The following GABRG3 variants were observed in gnomAD, a reference collection of about 807,000 sequenced individuals.
GABRG3 encodes gamma-aminobutyric acid receptor subunit gamma-3.
A neutral mutation model predicts 48.8 loss-of-function variants in GABRG3; 25 were observed. The ratio of observed to expected loss-of-function variants is 0.51; its 90% CI spans 0.37 to 0.72. The LOEUF is 0.72. Among genes scored for constraint, GABRG3 ranks in the 30% least tolerant of loss-of-function variants. The probability of loss-of-function intolerance (pLI) is 0.00; values close to 1 mark genes in which losing one functional copy is unlikely to be tolerated. For missense variants in GABRG3, 394 were observed against 577.9 expected (o/e 0.68, Z 3.26); for synonymous variants, 227 against 217.6 (o/e 1.04, Z -0.38).
intron 5 of GABRG3, among the ~76,000 whole-genome samples, chr15:27,426,347 A>G (rs1291093236): frequency 6.6e-6 from 1 of 152,230 alleles, no homozygotes; most frequent in East Asian, 1.9e-4. Flanking sequence ...AAGGAAAAAA[A>G]GAGTTAGTTA....
At chr15:27,276,054 C>T (rs1040692513) in intron 3 of GABRG3, among the ~76,000 whole-genome samples, 2 of 152,174 alleles carry the variant, frequency 1.3e-5, no homozygotes, top group African/African-American at 4.8e-5. Flanking sequence ...TAAGAACCCG[C>T]AAATGAGAAC....
At chr15:27,416,036 C>T (rs1453953809) in intron 5 of GABRG3, among the ~76,000 whole-genome samples, 3 of 152,158 alleles carry the variant, frequency 2.0e-5, no homozygotes, top group Admixed American at 6.5e-5. Context: ...AAATCATCTT[C>T]GAAGAAAGGC....
intron 3 of GABRG3, among the ~76,000 whole-genome samples, chr15:27,250,071 C>T (rs956039801): frequency 6.6e-6 from 1 of 152,068 alleles, no homozygotes; most frequent in Non-Finnish European, 1.5e-5. Context: ...GTTCTTTTCC[C>T]TCCTCTCCAA....
intron 2 of GABRG3, among the ~76,000 whole-genome samples, chr15:27,001,824 C>T (rs1367400417): frequency 6.7e-6 from 1 of 149,948 alleles, no homozygotes; most frequent in Non-Finnish European, 1.5e-5. Flanking sequence ...CAATTGACCA[C>T]TGGCTGATTT....
intron 3 of GABRG3, among the ~76,000 whole-genome samples, chr15:27,129,688 G>T (rs977287968): frequency 6.6e-6 from 1 of 150,838 alleles, no homozygotes; most frequent in African/African-American, 2.4e-5. Flanking sequence ...CCACATCCTC[G>T]CCAACACTTG....
Position 27,229,453 on chromosome 15 carries a change from T to TG in GABRG3, c.271-97356_271-97355insG, listed in dbSNP as rs1294339126. ...TCATTGGTCTGTGTGCCTAGGTTTTTTGTGTGTGTGTGTGTGTGTGTTGTT... is the reference window on the plus strand; with the variant it reads ...TCATTGGTCTGTGTGCCTAGGTTTTTGTGTGTGTGTGTGTGTGTGTGTTGTT... On this transcript the variant is annotated intron_variant, in intron 3 of 9. Transcript: ENST00000615808. Among the ~76,000 whole-genome samples the TG allele has an allele frequency of 1.5e-4, 16 of 105,150 alleles. No individual in the cohort carries two copies. In the East Asian group the frequency reaches 4.9e-3, roughly 32 times the overall value. The allele number at this position is 105,150 out of a possible 152,430, so 69.0% of individuals were successfully genotyped here.
chr15:27,387,133 A>G (rs534191773), intron 5 of GABRG3, among the ~76,000 whole-genome samples: 4 of 152,266 alleles, frequency 2.6e-5, no homozygotes, highest in Admixed American at 2.0e-4. Flanking sequence ...ACTGTACAAT[A>G]TATTAACTAA....
intron 2 of GABRG3, among the ~76,000 whole-genome samples, chr15:26,988,160 T>C (rs1895183771): frequency 6.6e-6 from 1 of 152,188 alleles, no homozygotes; most frequent in Non-Finnish European, 1.5e-5. Flanking sequence ...TTAGACAAAT[T>C]AGGTGAAGTT....
intron 3 of GABRG3, among the ~76,000 whole-genome samples, chr15:27,148,265 C>T (rs909925520): frequency 2.6e-5 from 4 of 151,416 alleles, no homozygotes; most frequent in Non-Finnish European, 5.9e-5. Context: ...CAATAAATTC[C>T]TAGAAAGACA....
chr15:27,465,521 C>T (rs1595772581), intron 5 of GABRG3, among the ~76,000 whole-genome samples: 1 of 152,298 alleles, frequency 6.6e-6, no homozygotes, highest in East Asian at 1.9e-4. Flanking sequence ...ATTTAAAAGT[C>T]AGGAGATTTT....
At chr15:27,014,688 C>T (rs1009472270) in intron 2 of GABRG3, among the ~76,000 whole-genome samples, 1 of 152,212 alleles carries the variant, frequency 6.6e-6, no homozygotes, top group African/African-American at 2.4e-5. Flanking sequence ...TGTGGACTAA[C>T]ATGTCTTCTA....
chr15:27,512,561 G>A (rs891079659), intron 6 of GABRG3, among the ~76,000 whole-genome samples: 7 of 152,176 alleles, frequency 4.6e-5, no homozygotes, highest in Non-Finnish European at 8.8e-5. Context: ...TGAGTCTAAA[G>A]TTCCCGAAAG....
chr15:27,145,334 T>TA (rs202105972), intron 3 of GABRG3, among the ~76,000 whole-genome samples: 207 of 148,606 alleles, frequency 1.4e-3, no homozygotes, highest in African/African-American at 2.6e-3. Context: ...ATGGAGATTG[T>TA]AAAAAAAAAA....
At position 27,327,462 on chromosome 15, in the gene GABRG3, G is replaced by T. The variant is rs1283769594; in HGVS notation, c.491+433G>T. On this transcript the variant is annotated intron_variant, in intron 4 of 9. Transcript: ENST00000615808. ...CTGGAGTGTGTCCTCCTGGAGTCAG[G>T]GAAGTCTTCGAAGAAACCCAGAGAG... Among the ~76,000 whole-genome samples the T allele has an allele frequency of 2.6e-5, 4 of 152,262 alleles. No individual in the cohort carries two copies. The East Asian group carries it at 7.8e-4, about 30-fold the overall frequency.
At chr15:27,268,412 C>A (rs549534145) in intron 3 of GABRG3, among the ~76,000 whole-genome samples, 1 of 152,068 alleles carries the variant, frequency 6.6e-6, no homozygotes, top group Non-Finnish European at 1.5e-5. Flanking sequence ...ACTAATTTGT[C>A]TTCTCTTTTT....
At chr15:27,282,559 G>A (rs1258197318) in intron 3 of GABRG3, among the ~76,000 whole-genome samples, 1 of 152,010 alleles carries the variant, frequency 6.6e-6, no homozygotes, top group South Asian at 2.1e-4. Flanking sequence ...ATTTCCATTT[G>A]GTTCTACTTT....
chr15:27,525,651 TGAAATA>T (rs1891258574), intron 7 of GABRG3, among the ~76,000 whole-genome samples: 1 of 152,176 alleles, frequency 6.6e-6, no homozygotes. Context: ...GTATTTCTAT[TGAAATA>T]GAAGCTAAGA....
intron 2 of GABRG3, among the ~76,000 whole-genome samples, chr15:27,020,578 ATT>A (rs35179540): frequency 0.16 from 23,283 of 148,982 alleles, 3,421 homozygotes; most frequent in African/African-American, 0.39. Context: ...CGCCCGGCTA[ATT>A]TTTTTTTTTT....
At chr15:27,121,176 GA>G (rs1316007278) in intron 3 of GABRG3, among the ~76,000 whole-genome samples, 1 of 152,188 alleles carries the variant, frequency 6.6e-6, no homozygotes, top group Non-Finnish European at 1.5e-5. Flanking sequence ...CCCATGATGG[GA>G]ACCAGGTAAG....
Sources: allele counts gnomAD v4.1 joint callset (sites outside exome capture counted in the v4.1 genomes callset), GRCh38; gene constraint gnomAD v4.1.1; transcripts MANE v1.5; gene names NCBI Gene and HGNC (gene_info 2026-07-23, HGNC 2026-07-21).